The following TEX29 variants were observed in gnomAD, a reference collection of about 807,000 sequenced individuals.
TEX29 encodes testis-expressed protein 29.
In TEX29, 26 loss-of-function variants were observed where a neutral mutation model predicts 18.2. The ratio of observed to expected loss-of-function variants is 1.43; its 90% CI spans 1.04 to 1.98. The LOEUF (loss-of-function observed/expected upper bound fraction) is 1.98. Ranked by LOEUF, TEX29 falls within the 30% of genes most tolerant of loss-of-function variation. The probability of loss-of-function intolerance (pLI) is 0.00; values close to 1 mark genes in which losing one functional copy is unlikely to be tolerated. For missense variants in TEX29, 177 were observed against 194.2 expected (o/e 0.91, Z 0.53); for synonymous variants, 83 against 78.5 (o/e 1.06, Z -0.31).
intron 3 of TEX29, among the ~76,000 whole-genome samples, chr13:111,331,910 A>T (rs1400059556): frequency 6.6e-6 from 1 of 152,190 alleles, no homozygotes; most frequent in Non-Finnish European, 1.5e-5. Context: ...CTGTTCATCT[A>T]TATGTCTATC....
rs2093663114 is a variant in TEX29 at position 111,320,916 on chromosome 13, AC to A, written c.27del (p.Ser10LeufsTer6). The A allele has an allele frequency of 1.4e-6, 2 of 1,449,582 alleles. No homozygotes were observed. The highest frequency in any genetic ancestry group is 1.8e-6 in the Non-Finnish European group (2 of 1,081,536). The allele number at this position is 1,449,582 out of a possible 1,614,324, so 89.8% of individuals were successfully genotyped here. A position where few individuals can be genotyped will look rare whatever the true frequency, so the allele number is the denominator to read the frequency against. MEYVLEVK[N>X]SPRHLLKQFT... is the part of the protein sequence containing the mutation. ...ATGGAATACGTGCTGGAAGTGAAGA[AC>A]TCTCCGCGGCACCTCCTGAAGCAAT... On this transcript the variant is annotated frameshift_variant, in exon 2 of 6. Coordinates refer to ENST00000283547, the MANE Select transcript of TEX29 (RefSeq NM_152324.3). LOFTEE classifies it high-confidence loss of function.
At chr13:111,339,135 C>T (rs1024287854) in intron 3 of TEX29, among the ~76,000 whole-genome samples, 3 of 152,156 alleles carry the variant, frequency 2.0e-5, no homozygotes, top group South Asian at 2.1e-4. Flanking sequence ...CCCAGGGTGG[C>T]GGGGCTGCCC....
At position 111,320,678 on chromosome 13, in the gene TEX29, G is replaced by A; in HGVS notation, c.-119G>A. Reference sequence around the variant, plus strand: ...CAGACAGAGGGGTGGCCAGTTTGTTGTTTTACCTAAAAGGTGTTTTCCACG... The same window carrying A: ...CAGACAGAGGGGTGGCCAGTTTGTTATTTTACCTAAAAGGTGTTTTCCACG... On this transcript the variant is annotated 5_prime_UTR_variant, in exon 1 of 6. Transcript: ENST00000283547. The A allele has an allele frequency of 1.6e-6, 1 of 620,088 alleles. No homozygotes were observed. The highest frequency in any genetic ancestry group is 1.9e-5 in the South Asian group (1 of 52,770). 38.4% of individuals were successfully genotyped at this position (620,088 alleles called of 1,614,324 possible).
At chr13:111,321,646 C>T (rs187095425) in intron 2 of TEX29, among the ~76,000 whole-genome samples, 178 of 151,444 alleles carry the variant, frequency 1.2e-3, no homozygotes, top group Admixed American at 1.7e-3. Context: ...CCAAGAAAAT[C>T]GGATGGGCGT....
At chr13:111,325,618 G>A (rs1310453465) in intron 2 of TEX29, among the ~76,000 whole-genome samples, 4 of 152,084 alleles carry the variant, frequency 2.6e-5, no homozygotes, top group African/African-American at 4.8e-5. Flanking sequence ...ATGGAAATGC[G>A]TGAGAGACTT....
At chr13:111,323,410 C>CTCGGCTGCTGCCTG (rs1469435768) in intron 2 of TEX29, among the ~76,000 whole-genome samples, 1 of 152,244 alleles carries the variant, frequency 6.6e-6, no homozygotes, top group African/African-American at 2.4e-5. Context: ...GGGATACAGC[C>CTCGGCTGCTGCCTG]TCGGCTGCTG....
In TEX29 at chr13:111,322,295, C is replaced by T. The variant is rs1242220930; in HGVS notation, c.58+1347C>T. Among the ~76,000 whole-genome samples the T allele has an allele frequency of 5.3e-5, 8 of 152,304 alleles. 1 individual carries two copies. Among genetic ancestry groups the T allele is most frequent in the Middle Eastern group, 3.4e-3 (1 of 292 alleles). ...AGTGGGAGGCCTGCGCCTGGGGCCC[C>T]GAGGGAACGGGCCGCTCTTGTGGAC... On this transcript the variant is annotated intron_variant, in intron 2 of 5. Transcript: ENST00000283547.
chr13:111,339,501 A>G (rs2093694145), intron 3 of TEX29: 4 of 408,734 alleles, frequency 9.8e-6, no homozygotes, highest in South Asian at 7.9e-5. Flanking sequence ...CCGTCTCTCA[A>G]TGCACCCCCG....
At chr13:111,317,442 G>A (rs2093656378), upstream of TEX29, among the ~76,000 whole-genome samples, 2 of 152,224 alleles carry the variant, frequency 1.3e-5, no homozygotes, top group Non-Finnish European at 2.9e-5. Flanking sequence ...CTGGTGCTCA[G>A]GGTGGGGGCC....
At chr13:111,318,151 C>T (rs879614949), upstream of TEX29, among the ~76,000 whole-genome samples, 9 of 152,198 alleles carry the variant, frequency 5.9e-5, no homozygotes, top group Non-Finnish European at 1.3e-4. Context: ...GGCTGAGCTG[C>T]TCTGCTGGGA....
intron 2 of TEX29, among the ~76,000 whole-genome samples, chr13:111,326,855 G>C (rs543814057): frequency 6.6e-6 from 1 of 152,260 alleles, no homozygotes; most frequent in South Asian, 2.1e-4. Context: ...TGTCCACCCT[G>C]GAATTGCACT....
intron 2 of TEX29, among the ~76,000 whole-genome samples, chr13:111,325,473 G>A (rs190246970): frequency 3.7e-3 from 564 of 152,350 alleles, no homozygotes; most frequent in Middle Eastern, 0.017. Flanking sequence ...CAGCCCTGCC[G>A]ATCCCCCACC....
chr13:111,323,698 G>T (rs1417250174), intron 2 of TEX29, among the ~76,000 whole-genome samples: 7 of 151,232 alleles, frequency 4.6e-5, no homozygotes, highest in African/African-American at 1.7e-4. Flanking sequence ...AGGCAGGAAG[G>T]CCACACACAT....
chr13:111,333,768 A>G lies in TEX29; in HGVS notation c.169+5475A>G, dbSNP rs1422693853. Among the ~76,000 whole-genome samples the G allele has an allele frequency of 2.0e-5, 3 of 151,344 alleles. No individual in the cohort carries two copies. In the East Asian group the frequency reaches 5.8e-4, roughly 29 times the overall value. On this transcript the variant is annotated intron_variant, in intron 3 of 5. Transcript: ENST00000283547. The stretch of plus-strand genomic sequence containing the variant: ...TGAAGCAAGACATGTCTTACGTGGC[A>G]GCAAGGTTGTGGGAAGGGAACTGCC...
chr13:111,322,142 G>A (rs1478023484), intron 2 of TEX29, among the ~76,000 whole-genome samples: 2 of 152,198 alleles, frequency 1.3e-5, no homozygotes, highest in African/African-American at 2.4e-5. Flanking sequence ...GCCAGACTGC[G>A]AGGCCTTCCA....
intron 2 of TEX29, among the ~76,000 whole-genome samples, chr13:111,321,791 C>T (rs1020481055): frequency 2.0e-5 from 3 of 152,040 alleles, no homozygotes; most frequent in Admixed American, 6.5e-5. Flanking sequence ...AGCGTGGTGG[C>T]GGGTTGCCTG....
In TEX29 at chr13:111,325,743, C is replaced by T. The variant is rs568988223; in HGVS notation, c.59-2440C>T. On this transcript the variant is annotated intron_variant, in intron 2 of 5. Transcript: ENST00000283547. Reference sequence around the variant, plus strand: ...ACCGGAGGAGGCGCGGGAGGACTGCCGGGATTCGACGGCTGGGCGGTCAGA... The same window carrying T: ...ACCGGAGGAGGCGCGGGAGGACTGCTGGGATTCGACGGCTGGGCGGTCAGA... Among the ~76,000 whole-genome samples, 5 of 152,250 alleles carry T rather than the reference C, an allele frequency of 3.3e-5. 1 individual carries two copies. In the South Asian group the frequency reaches 8.3e-4, roughly 25 times the overall value.
intron 5 of TEX29, 64 bp downstream of exon 5, chr13:111,342,995 A>C: frequency 1.3e-6 from 2 of 1,549,562 alleles, no homozygotes; most frequent in Non-Finnish European, 1.8e-6. Flanking sequence ...CCCTCGGGAG[A>C]CCTTCCCTGG....
chr13:111,317,906 GTC>G (rs966799351), upstream of TEX29, among the ~76,000 whole-genome samples: 13 of 152,328 alleles, frequency 8.5e-5, no homozygotes, highest in African/African-American at 3.1e-4. Context: ...CCCTCCCGGT[GTC>G]TCTCTCTTCT....
Sources: allele counts gnomAD v4.1 joint callset (sites outside exome capture counted in the v4.1 genomes callset), GRCh38; gene constraint gnomAD v4.1.1; transcripts MANE v1.5; gene names NCBI Gene and HGNC (gene_info 2026-07-23, HGNC 2026-07-21).